Variants in POLR3E observed in about 807,000 individuals in gnomAD.
POLR3E encodes RNA polymerase III subunit E.
Under a neutral mutation model 96.6 loss-of-function variants are expected in POLR3E, and 41 were observed. The ratio of observed to expected loss-of-function variants is 0.42; its 90% CI spans 0.33 to 0.55. The LOEUF (loss-of-function observed/expected upper bound fraction) is 0.55, where lower values mean the gene tolerates loss of function less well. Among genes scored for constraint, POLR3E ranks in the 20% least tolerant of loss-of-function variants. The probability of loss-of-function intolerance (pLI) is 0.06; values close to 1 mark genes in which losing one functional copy is unlikely to be tolerated. For missense variants in POLR3E, 849 were observed against 952.1 expected (o/e 0.89, Z 1.43); for synonymous variants, 396 against 383.6 (o/e 1.03, Z -0.38).
chr16:22,309,226 C>T, intron 5 of POLR3E, 186 bp downstream of exon 5: 1 of 675,650 alleles, frequency 1.5e-6, no homozygotes, highest in Non-Finnish European at 2.6e-6. Context: ...CTCCTACCCA[C>T]TCCTCGTCTC....
chr16:22,304,589 G>T (rs1430356307), intron 2 of POLR3E, among the ~76,000 whole-genome samples: 2 of 152,162 alleles, frequency 1.3e-5, no homozygotes, highest in East Asian at 3.9e-4. Context: ...AAAAGCATGT[G>T]CAAAGGCCCA....
At chr16:22,320,371 C>T (rs985474249) in intron 13 of POLR3E, among the ~76,000 whole-genome samples, 1 of 152,078 alleles carries the variant, frequency 6.6e-6, no homozygotes, top group Non-Finnish European at 1.5e-5. Flanking sequence ...AAGCGATTCT[C>T]CTGCCTCAGC....
At chr16:22,333,501 C>CCATGGTGGT (rs372635252) in intron 20 of POLR3E, 143 bp from the exon 21 acceptor site, 64 of 597,420 alleles carry the variant, frequency 1.1e-4, no homozygotes, top group African/African-American at 1.1e-3. Flanking sequence ...CTGGTAGTAG[C>CCATGGTGGT]CATGGTGGTA....
At chr16:22,300,717 C>T (rs903545624) in intron 1 of POLR3E, among the ~76,000 whole-genome samples, 4 of 152,228 alleles carry the variant, frequency 2.6e-5, no homozygotes, top group Non-Finnish European at 5.9e-5. Context: ...GATTTTCATT[C>T]CATCCTCCAT....
chr16:22,317,303 A>G, intron 12 of POLR3E, 97 bp downstream of exon 12: 1 of 865,870 alleles, frequency 1.2e-6, no homozygotes, highest in Non-Finnish European at 1.9e-6. Flanking sequence ...ACAAGGCCAG[A>G]GGCCCCTGCT....
intron 3 of POLR3E, among the ~76,000 whole-genome samples, chr16:22,307,632 A>G (rs765657965): frequency 6.6e-6 from 1 of 152,202 alleles, no homozygotes; most frequent in Non-Finnish European, 1.5e-5. Flanking sequence ...GCATCTTGTG[A>G]GGAAGCTCAC....
chr16:22,314,038 G>GGCT (rs1490669129), intron 7 of POLR3E, 41 bp from the exon 8 acceptor site: 3 of 1,580,958 alleles, frequency 1.9e-6, no homozygotes, highest in Non-Finnish European at 2.6e-6. Context: ...GGGAGGTGGA[G>GGCT]GCTCCCCAGG....
intron 1 of POLR3E, chr16:22,302,713 C>T: frequency 5.5e-6 from 3 of 549,186 alleles, no homozygotes; most frequent in Middle Eastern, 4.9e-4. Context: ...GGTCTACCCG[C>T]TTGCACCCGC....
At chr16:22,307,767 G>T (rs1450649964) in intron 3 of POLR3E, among the ~76,000 whole-genome samples, 5 of 152,122 alleles carry the variant, frequency 3.3e-5, no homozygotes, top group African/African-American at 1.2e-4. Context: ...CCTTTTGGTC[G>T]TCCTTCTCTC....
intron 2 of POLR3E, among the ~76,000 whole-genome samples, chr16:22,303,641 T>C (rs2048072792): frequency 7.4e-6 from 1 of 134,760 alleles, no homozygotes; most frequent in South Asian, 2.3e-4. Context: ...AGATTTCCCT[T>C]TTTTTTTTTT....
At chr16:22,328,278 C>T (rs1038808183) in intron 18 of POLR3E, 4 of 547,208 alleles carry the variant, frequency 7.3e-6, no homozygotes, top group Middle Eastern at 4.8e-4. Context: ...CACACTCCCC[C>T]TCTCGCTGAA....
In POLR3E at chr16:22,333,820, C is replaced by CTG. The variant is rs2048794650; in HGVS notation, c.*123_*124dup. ...CAAGAGGAACTGACCATCTCATGACCTGTGGCATTGCACGGTGCAGTGGAC... is the reference window on the plus strand; with the variant it reads ...CAAGAGGAACTGACCATCTCATGACCTGTGTGGCATTGCACGGTGCAGTGGAC... On this transcript the variant is annotated 3_prime_UTR_variant, in exon 21 of 21. Coordinates refer to ENST00000299853, the MANE Select transcript of POLR3E (RefSeq NM_018119.4). 1.4e-6 allele frequency: 1 copy of CTG among 725,864 alleles called. No homozygotes were observed. Among genetic ancestry groups the CTG allele is most frequent in the Admixed American group, 2.0e-5 (1 of 49,714 alleles). 45.0% of individuals were successfully genotyped at this position (725,864 alleles called of 1,614,324 possible). A position where few individuals can be genotyped will look rare whatever the true frequency, so the allele number is the denominator to read the frequency against.
At chr16:22,308,861 G>T in intron 4 of POLR3E, 64 bp from the exon 5 acceptor site, 1 of 1,090,194 alleles carries the variant, frequency 9.2e-7, no homozygotes, top group Non-Finnish European at 1.4e-6. Flanking sequence ...GTGGGGTTGG[G>T]GTGTCCCTTG....
At chr16:22,323,752 C>T (rs780669045) in intron 14 of POLR3E, among the ~76,000 whole-genome samples, 2 of 152,304 alleles carry the variant, frequency 1.3e-5, no homozygotes, top group African/African-American at 2.4e-5. Context: ...TGCCCCTGCC[C>T]GCCCCGCTCC....
At chr16:22,329,010 T>G (rs1465683786) in intron 19 of POLR3E, 1 of 200,346 alleles carries the variant, frequency 5.0e-6, no homozygotes, top group East Asian at 1.4e-4. Context: ...TGCTTGAACC[T>G]GGGAGAGAGA....
In POLR3E at chr16:22,309,552, G is replaced by T. The variant is rs75144133; in HGVS notation, c.364+42G>T. The T allele has an allele frequency of 0.012, 16,107 of 1,375,762 alleles. 766 individuals carry two copies. In the East Asian group the frequency reaches 0.14, roughly 12 times the overall value. 85.2% of individuals were successfully genotyped at this position (1,375,762 alleles called of 1,614,324 possible). A position where few individuals can be genotyped will look rare whatever the true frequency, so the allele number is the denominator to read the frequency against. On this transcript the variant is annotated intron_variant, in intron 6 of 20. Coordinates refer to ENST00000299853, the MANE Select transcript of POLR3E (RefSeq NM_018119.4). ...GTCCCGCGGTGGGGACATGGCATTG[G>T]GGGGGGCTGGGCAGGGAGAGTACCT...
chr16:22,333,599 C>G (rs1308179078), intron 20 of POLR3E, 45 bp from the exon 21 acceptor site: 1 of 1,349,026 alleles, frequency 7.4e-7, no homozygotes, highest in South Asian at 1.2e-5. Flanking sequence ...GTAATTAGCT[C>G]CTTTTCCTGC....
At chr16:22,323,725 T>C (rs920586099) in intron 14 of POLR3E, among the ~76,000 whole-genome samples, 7 of 152,104 alleles carry the variant, frequency 4.6e-5, no homozygotes, top group African/African-American at 1.2e-4. Flanking sequence ...CCAGATACAG[T>C]GCCGTTTGCC....
At chr16:22,297,839 C>A (rs1347924464) in intron 1 of POLR3E, among the ~76,000 whole-genome samples, 1 of 152,236 alleles carries the variant, frequency 6.6e-6, no homozygotes, top group Non-Finnish European at 1.5e-5. Flanking sequence ...GGAAGAAACA[C>A]CTGTCCGCGC....
Sources: allele counts gnomAD v4.1 joint callset (sites outside exome capture counted in the v4.1 genomes callset), GRCh38; gene constraint gnomAD v4.1.1; transcripts MANE v1.5; gene names NCBI Gene and HGNC (gene_info 2026-07-23, HGNC 2026-07-21).